The following MRPS6 variants were observed in gnomAD, a reference collection of about 807,000 sequenced individuals.
The protein encoded by MRPS6 is small ribosomal subunit protein bS6m.
A neutral mutation model predicts 13.1 loss-of-function variants in MRPS6; 6 were observed. The ratio of observed to expected loss-of-function variants is 0.46; its 90% CI spans 0.25 to 0.91. The LOEUF is 0.91. MRPS6 is among the 40% of genes least tolerant of loss of function. The pLI is 0.18. For missense variants in MRPS6, 164 were observed against 155.6 expected (o/e 1.05, Z -0.29); for synonymous variants, 61 against 56.5 (o/e 1.08, Z -0.36).
At chr21:34,115,708 G>A (rs543976862) in intron 1 of MRPS6, among the ~76,000 whole-genome samples, 18 of 152,266 alleles carry the variant, frequency 1.2e-4, no homozygotes, top group African/African-American at 4.3e-4. Context: ...TGGCAAGATA[G>A]CGGTTGGGAT....
intron 2 of MRPS6, among the ~76,000 whole-genome samples, chr21:34,127,780 T>G (rs930896403): frequency 5.3e-5 from 8 of 152,212 alleles, no homozygotes; most frequent in Non-Finnish European, 1.2e-4. Flanking sequence ...TGTGCATTAA[T>G]CCATAGCCAC....
At chr21:34,094,483 T>A (rs1978870276) in intron 1 of MRPS6, among the ~76,000 whole-genome samples, 1 of 152,182 alleles carries the variant, frequency 6.6e-6, no homozygotes, top group South Asian at 2.1e-4. Context: ...TTTTGTGCCC[T>A]TATTACGAAT....
At chr21:34,101,507 G>C (rs1979235519) in intron 1 of MRPS6, 1 of 1,000,152 alleles carries the variant, frequency 1.0e-6, no homozygotes, top group Non-Finnish European at 1.2e-6. Context: ...TTACAAATGG[G>C]ATCTGTTTCT....
intron 1 of MRPS6, among the ~76,000 whole-genome samples, chr21:34,110,016 T>C (rs910144599): frequency 6.6e-6 from 1 of 152,220 alleles, no homozygotes; most frequent in Non-Finnish European, 1.5e-5. Context: ...CCCTTTAACC[T>C]TTTGAAGGTT....
At position 34,102,514 on chromosome 21, in the gene MRPS6, CTGTT is replaced by C. The variant is rs1032270750; in HGVS notation, c.46-22824_46-22821del. 1.4e-5 allele frequency: 14 copies of C among 999,948 alleles called. No homozygotes were observed. In the African/African-American group the frequency reaches 2.4e-4, roughly 17 times the overall value. 61.9% of individuals were successfully genotyped at this position (999,948 alleles called of 1,614,324 possible). Reference sequence around the variant, plus strand: ...TCTTTCACTCAGAAATAAACAAAAACTGTTTGGTATATCTGTATCATTGCTAATC... The same window carrying C: ...TCTTTCACTCAGAAATAAACAAAAACTGGTATATCTGTATCATTGCTAATC... On this transcript the variant is annotated intron_variant, in intron 1 of 2. Coordinates refer to ENST00000399312, the MANE Select transcript of MRPS6 (RefSeq NM_032476.4).
At chr21:34,132,874 C>T (rs186705498) in intron 2 of MRPS6, among the ~76,000 whole-genome samples, 40 of 152,326 alleles carry the variant, frequency 2.6e-4, no homozygotes, top group Middle Eastern at 3.4e-3. Context: ...TGTTTGAATC[C>T]TGGCAGTGAC....
intron 1 of MRPS6, among the ~76,000 whole-genome samples, chr21:34,080,597 TA>T (rs934449014): frequency 7.9e-5 from 12 of 152,232 alleles, no homozygotes; most frequent in African/African-American, 2.6e-4. Flanking sequence ...ACATTAGGAG[TA>T]TAATAGACTA....
intron 2 of MRPS6, among the ~76,000 whole-genome samples, chr21:34,138,047 C>A (rs958769118): frequency 2.0e-5 from 3 of 151,006 alleles, no homozygotes; most frequent in African/African-American, 4.9e-5. Context: ...GAGGGACATT[C>A]ATCTGATTTC....
intron 1 of MRPS6, among the ~76,000 whole-genome samples, chr21:34,110,594 A>ATAAAAAAAATT: frequency 6.6e-6 from 1 of 152,350 alleles, no homozygotes; most frequent in African/African-American, 2.4e-5. Context: ...ATAAAATGAC[A>ATAAAAAAAATT]CATGTATGGT....
chr21:34,135,223 G>A (rs2123270320), intron 2 of MRPS6, among the ~76,000 whole-genome samples: 1 of 152,014 alleles, frequency 6.6e-6, no homozygotes, highest in Middle Eastern at 3.4e-3. Context: ...TGTACAAGTT[G>A]TTGTGTGGAC....
At chr21:34,095,318 C>G in intron 1 of MRPS6, 1 of 1,614,090 alleles carries the variant, frequency 6.2e-7, no homozygotes, top group Non-Finnish European at 8.5e-7. Flanking sequence ...GTGGATACTT[C>G]CTGGCGGGGC....
chr21:34,085,813 A>AG (rs1978341569), intron 1 of MRPS6, among the ~76,000 whole-genome samples: 1 of 152,112 alleles, frequency 6.6e-6, no homozygotes, highest in Admixed American at 6.5e-5. Flanking sequence ...CGTGTTAGCT[A>AG]GGGTGGTCTT....
At chr21:34,098,157 T>G (rs1979059185) in intron 1 of MRPS6, 1 of 1,000,006 alleles carries the variant, frequency 1.0e-6, no homozygotes, top group Admixed American at 6.2e-5. Flanking sequence ...ATATTAAGGT[T>G]GTTTATATAG....
At position 34,101,692 on chromosome 21, in the gene MRPS6, G is replaced by A. The variant is rs964142913; in HGVS notation, c.46-23649G>A. The A allele has an allele frequency of 2.3e-5, 23 of 999,832 alleles. No individual in the cohort carries two copies. The East Asian group carries it at 2.6e-3, about 113-fold the overall frequency. The allele number at this position is 999,832 out of a possible 1,614,324, so 61.9% of individuals were successfully genotyped here. A position where few individuals can be genotyped will look rare whatever the true frequency, so the allele number is the denominator to read the frequency against. Reference sequence around the variant, plus strand: ...TATTGGCATGGTGTGTGAAAGTGATGTTTTGCCCCAGTATTGAGGACTTTT... The same window carrying A: ...TATTGGCATGGTGTGTGAAAGTGATATTTTGCCCCAGTATTGAGGACTTTT... On this transcript the variant is annotated intron_variant, in intron 1 of 2. Coordinates refer to ENST00000399312, the MANE Select transcript of MRPS6 (RefSeq NM_032476.4).
chr21:34,134,783 CTGTT>C (rs550639781), intron 2 of MRPS6, among the ~76,000 whole-genome samples: 143 of 152,230 alleles, frequency 9.4e-4, no homozygotes, highest in Non-Finnish European at 1.6e-3. Context: ...AACAACCAGT[CTGTT>C]TTTCACTCTC....
At chr21:34,138,918 C>G (rs1291658294) in intron 2 of MRPS6, among the ~76,000 whole-genome samples, 3 of 151,806 alleles carry the variant, frequency 2.0e-5, no homozygotes, top group Admixed American at 2.0e-4. Context: ...TTCACAATAG[C>G]AAAGACTTGG....
chr21:34,139,113 A>G (rs1424931039), intron 2 of MRPS6, among the ~76,000 whole-genome samples: 2 of 145,528 alleles, frequency 1.4e-5, no homozygotes, highest in African/African-American at 2.5e-5. Context: ...GCATGTTCTC[A>G]CTCATAGGTG....
chr21:34,095,894 C>T (rs769097268), intron 1 of MRPS6: 1 of 1,614,098 alleles, frequency 6.2e-7, no homozygotes, highest in Non-Finnish European at 8.5e-7. Flanking sequence ...TGACATACAA[C>T]CTTTCCAACA....
intron 1 of MRPS6, among the ~76,000 whole-genome samples, chr21:34,107,372 C>T (rs1602943557): frequency 6.6e-6 from 1 of 152,194 alleles, no homozygotes; most frequent in Admixed American, 6.5e-5. Context: ...ATCCCTAAAG[C>T]CTCACATTAG....
Sources: gnomAD v4.1 joint callset for allele counts (sites outside exome capture counted in the v4.1 genomes callset) on GRCh38, gnomAD v4.1.1 for gene constraint, MANE v1.5 for transcripts, NCBI Gene and HGNC (gene_info 2026-07-23, HGNC 2026-07-21) for gene names.